The following PSMB7 variants were observed in gnomAD, a reference collection of about 807,000 sequenced individuals.
PSMB7 encodes proteasome 20S subunit beta 7.
PSMB7 carries 5 observed loss-of-function variants against 28.1 expected under a neutral mutation model. That is an observed-to-expected ratio of 0.18 (90% CI 0.09 to 0.37). PSMB7 has a LOEUF of 0.37. PSMB7 is among the 10% of genes least tolerant of loss of function. The pLI, the probability that PSMB7 is intolerant of heterozygous loss-of-function variation, is 1.00. For missense variants in PSMB7, 275 were observed against 346.2 expected (o/e 0.79, Z 1.63); for synonymous variants, 122 against 123.7 (o/e 0.99, Z 0.09).
intron 6 of PSMB7, among the ~76,000 whole-genome samples, chr9:124,381,146 C>T (rs1021102288): frequency 2.6e-5 from 4 of 152,104 alleles, no homozygotes; most frequent in African/African-American, 4.8e-5. Context: ...GTAAGGTTAG[C>T]GCTGGACAGT....
intron 6 of PSMB7, among the ~76,000 whole-genome samples, chr9:124,381,293 T>G (rs1830662226): frequency 6.6e-6 from 1 of 152,246 alleles, no homozygotes; most frequent in African/African-American, 2.4e-5. Context: ...ACTTTGGGCT[T>G]CCTCTAATTT....
intron 5 of PSMB7, among the ~76,000 whole-genome samples, chr9:124,403,186 C>T (rs547646607): frequency 4.5e-4 from 69 of 152,014 alleles, no homozygotes; most frequent in African/African-American, 1.6e-3. Flanking sequence ...AATGTTAGAA[C>T]TTGAAAATCC....
intron 4 of PSMB7, among the ~76,000 whole-genome samples, chr9:124,412,097 C>G (rs112152519): frequency 8.5e-5 from 13 of 152,102 alleles, no homozygotes; most frequent in African/African-American, 3.1e-4. Flanking sequence ...TTTCTCTTAT[C>G]CAGTAATATC....
At chr9:124,371,032 C>G (rs966472439) in intron 6 of PSMB7, among the ~76,000 whole-genome samples, 2 of 152,156 alleles carry the variant, frequency 1.3e-5, no homozygotes, top group African/African-American at 4.8e-5. Flanking sequence ...GCACACCACA[C>G]AAGTACAATA....
chr9:124,374,196 G>A (rs1453750414), intron 6 of PSMB7, among the ~76,000 whole-genome samples: 1 of 152,226 alleles, frequency 6.6e-6, no homozygotes, highest in Non-Finnish European at 1.5e-5. Context: ...AGTGTACAGA[G>A]ATAGTGGATT....
intron 6 of PSMB7, among the ~76,000 whole-genome samples, chr9:124,378,154 T>C (rs1830631851): frequency 6.6e-6 from 1 of 152,280 alleles, no homozygotes; most frequent in South Asian, 2.1e-4. Context: ...CTTGAGATTC[T>C]AGCAAAAGAA....
At chr9:124,361,870 G>A (rs1479759645) in intron 6 of PSMB7, among the ~76,000 whole-genome samples, 3 of 152,144 alleles carry the variant, frequency 2.0e-5, no homozygotes, top group Admixed American at 6.5e-5. Flanking sequence ...AACTTTTTCC[G>A]CATTATTCTT....
intron 6 of PSMB7, among the ~76,000 whole-genome samples, chr9:124,363,122 G>A (rs1215538475): frequency 1.3e-5 from 2 of 152,188 alleles, no homozygotes; most frequent in Non-Finnish European, 2.9e-5. Context: ...ATGAAAAAAC[G>A]AAACGTTCAC....
chr9:124,395,965 C>T (rs545443217), intron 5 of PSMB7, among the ~76,000 whole-genome samples: 24 of 152,338 alleles, frequency 1.6e-4, no homozygotes, highest in African/African-American at 5.5e-4. Flanking sequence ...GACACAGGGG[C>T]AATCCAGTTC....
At chr9:124,376,109 A>G (rs1344821576) in intron 6 of PSMB7, among the ~76,000 whole-genome samples, 2 of 151,972 alleles carry the variant, frequency 1.3e-5, no homozygotes, top group Non-Finnish European at 2.9e-5. Flanking sequence ...GGCAGTTGGG[A>G]AAAAAAGAGC....
At chr9:124,384,797 A>T in intron 5 of PSMB7, 141 bp from the exon 6 acceptor site, 1 of 681,366 alleles carries the variant, frequency 1.5e-6, no homozygotes, top group South Asian at 2.1e-5. Flanking sequence ...CTACAGGGCC[A>T]CATAAACCAG....
intron 4 of PSMB7, among the ~76,000 whole-genome samples, chr9:124,406,564 G>A (rs1162460821): frequency 2.0e-5 from 3 of 147,910 alleles, no homozygotes; most frequent in East Asian, 3.9e-4. Flanking sequence ...GGCTCATGTC[G>A]AAACACCTCT....
chr9:124,383,220 T>G (rs1040083669), intron 6 of PSMB7, among the ~76,000 whole-genome samples: 3 of 152,220 alleles, frequency 2.0e-5, no homozygotes, highest in African/African-American at 7.2e-5. Context: ...GGAGTAACTG[T>G]TCACATTGAG....
At chr9:124,400,132 C>T (rs560843894) in intron 5 of PSMB7, among the ~76,000 whole-genome samples, 1 of 152,306 alleles carries the variant, frequency 6.6e-6, no homozygotes, top group Admixed American at 6.5e-5. Context: ...CCTGCCGCAC[C>T]CATGCAGCAA....
intron 6 of PSMB7, among the ~76,000 whole-genome samples, chr9:124,382,051 G>A (rs1250839141): frequency 6.6e-6 from 1 of 151,596 alleles, no homozygotes; most frequent in African/African-American, 2.4e-5. Context: ...TTGAGCTCAG[G>A]AGTTCCAGAC....
chr9:124,364,092 G>A (rs1276359975), intron 6 of PSMB7, among the ~76,000 whole-genome samples: 1 of 152,162 alleles, frequency 6.6e-6, no homozygotes, highest in Non-Finnish European at 1.5e-5. Context: ...AAGAAAACAG[G>A]CAAGGGTATG....
At chr9:124,409,541 T>C (rs1831004658) in intron 4 of PSMB7, among the ~76,000 whole-genome samples, 1 of 152,158 alleles carries the variant, frequency 6.6e-6, no homozygotes, top group African/African-American at 2.4e-5. Context: ...TATCAAACCT[T>C]ATTTTCTCAC....
chr9:124,412,404 G>A lies in PSMB7; in HGVS notation c.343C>T (p.Arg115Cys), dbSNP rs758993178. 10 of 1,614,006 alleles carry A rather than the reference G, an allele frequency of 6.2e-6. No individual in the cohort carries two copies. Among genetic ancestry groups the A allele is most frequent in the South Asian group, 1.1e-5 (1 of 91,082 alleles). Reference sequence around the variant, plus strand: ...TTGGCTGTCACAACTCTGGGAAGACGGCCAGTGGAGAGGGAGTGGAGCTCC... The same window carrying A: ...TTGGCTGTCACAACTCTGGGAAGACAGCCAGTGGAGAGGGAGTGGAGCTCC... ...NLELHSLSTG[R>C]LPRVVTANRM... The change falls in exon 4 of 8, where the codon CGT becomes TGT. Residue 115 changes from arginine to cysteine, a missense_variant. By Grantham distance (180) the Arg-to-Cys change is radical (BLOSUM62 -3). Coordinates refer to ENST00000259457, the MANE Select transcript of PSMB7 (RefSeq NM_002799.4).
chr9:124,399,696 G>A lies in PSMB7; in HGVS notation c.511+5621C>T, dbSNP rs182649697. On this transcript the variant is annotated intron_variant, in intron 5 of 7. Transcript: ENST00000259457. ...CCGCAAGGAGCTGGCGCTGAGGAACGCCAGGAGAGAATGACGACAGAAACC... is the reference window on the plus strand; with the variant it reads ...CCGCAAGGAGCTGGCGCTGAGGAACACCAGGAGAGAATGACGACAGAAACC... Among the ~76,000 whole-genome samples, 164 of 152,310 alleles carry A rather than the reference G, an allele frequency of 1.1e-3. 1 individual carries two copies. Among genetic ancestry groups the A allele is most frequent in the African/African-American group, 3.9e-3 (161 of 41,564 alleles).
Sources: gnomAD v4.1 joint callset for allele counts (sites outside exome capture counted in the v4.1 genomes callset) on GRCh38, gnomAD v4.1.1 for gene constraint, MANE v1.5 for transcripts, NCBI Gene and HGNC (gene_info 2026-07-23, HGNC 2026-07-21) for gene names.